NMNAT3: variants seen among roughly 807,000 people sequenced by gnomAD.
NMNAT3 encodes the protein nicotinamide nucleotide adenylyltransferase 3.
In NMNAT3, 21 loss-of-function variants were observed where a neutral mutation model predicts 24.8. That is an observed-to-expected ratio of 0.85 (90% CI 0.60 to 1.22). NMNAT3 has a LOEUF of 1.22. NMNAT3 is among the 50% of genes most tolerant of loss of function. NMNAT3 has a pLI of 0.00. For missense variants in NMNAT3, 387 were observed against 436.6 expected, an observed-to-expected ratio of 0.89 and a Z score of 1.01; for synonymous variants, 136 against 155.2, an observed-to-expected ratio of 0.88 and a Z score of 0.92.
At chr3:139,641,450 G>A (rs1464570304) in intron 1 of NMNAT3, among the ~76,000 whole-genome samples, 20 of 152,118 alleles carry the variant, frequency 1.3e-4, no homozygotes, top group Non-Finnish European at 2.9e-4. Flanking sequence ...GAACAGAGAG[G>A]CTGTCCAGAG....
At chr3:139,581,190 TA>T (rs1470472272) in intron 4 of NMNAT3, among the ~76,000 whole-genome samples, 10 of 152,174 alleles carry the variant, frequency 6.6e-5, no homozygotes, top group Non-Finnish European at 1.2e-4. Context: ...TAAAAGAGAC[TA>T]AAGATACAGA....
At chr3:139,649,307 G>C (rs1481625964) in intron 1 of NMNAT3, among the ~76,000 whole-genome samples, 5 of 143,742 alleles carry the variant, frequency 3.5e-5, no homozygotes, top group African/African-American at 1.3e-4. Flanking sequence ...TAATGTTGCA[G>C]GATGGCAAGC....
At chr3:139,588,484 C>T (rs953246589) in intron 3 of NMNAT3, among the ~76,000 whole-genome samples, 2 of 152,070 alleles carry the variant, frequency 1.3e-5, no homozygotes, top group Non-Finnish European at 1.5e-5. Flanking sequence ...AAATGCAAAA[C>T]ATTTTGGACA....
intron 2 of NMNAT3, among the ~76,000 whole-genome samples, chr3:139,628,207 A>G (rs905800874): frequency 6.6e-6 from 1 of 152,234 alleles, no homozygotes; most frequent in Non-Finnish European, 1.5e-5. Context: ...GCACTTTTAA[A>G]ACACTTTTTA....
rs1254159955 is a variant in NMNAT3 at position 139,591,831 on chromosome 3, T to C, written c.110-8623A>G. ...AAAACCCATCTGTACTTCACCATCA[T>C]CAAAGACCAAAAGTAGATAAAACCA... is the stretch of plus-strand genomic sequence containing the variant. On this transcript the variant is annotated intron_variant, in intron 3 of 6. Transcript: ENST00000643695. Among the ~76,000 whole-genome samples, 4 of 152,206 alleles carry C rather than the reference T, an allele frequency of 2.6e-5. No individual in the cohort carries two copies. The East Asian group carries it at 5.8e-4, about 22-fold the overall frequency.
chr3:139,638,745 G>A (rs1275316315), intron 1 of NMNAT3, among the ~76,000 whole-genome samples: 1 of 152,118 alleles, frequency 6.6e-6, no homozygotes, highest in African/African-American at 2.4e-5. Flanking sequence ...TCCATCCTCT[G>A]CGTAGCTGCC....
rs1936277486 is a variant in NMNAT3 at position 139,560,806 on chromosome 3, G to A, written c.*204C>T. On this transcript the variant is annotated 3_prime_UTR_variant, in exon 7 of 7. Transcript: ENST00000643695. The stretch of plus-strand genomic sequence containing the variant: ...CACCATTTTAACTTCTTTGATAAAT[G>A]TCTATCCTTGTGATTTAGACCTTTC... 2 of 571,982 alleles carry A rather than the reference G, an allele frequency of 3.5e-6. No individual in the cohort carries two copies. The highest frequency in any genetic ancestry group is 6.1e-6 in the Non-Finnish European group (2 of 325,546). The allele number at this position is 571,982 out of a possible 1,614,324, so 35.4% of individuals were successfully genotyped here.
intron 1 of NMNAT3, among the ~76,000 whole-genome samples, chr3:139,674,170 C>G (rs1261352299): frequency 6.6e-6 from 1 of 152,184 alleles, no homozygotes; most frequent in Non-Finnish European, 1.5e-5. Flanking sequence ...CACCCTCATC[C>G]CAGGCACTTC....
chr3:139,610,385 T>G (rs76251463), intron 3 of NMNAT3, among the ~76,000 whole-genome samples: 2 of 152,192 alleles, frequency 1.3e-5, no homozygotes, highest in East Asian at 3.8e-4. Flanking sequence ...GGAAAGCATT[T>G]TAAAAGAATT....
intron 3 of NMNAT3, among the ~76,000 whole-genome samples, chr3:139,595,488 A>G (rs937044428): frequency 1.3e-5 from 2 of 152,258 alleles, no homozygotes; most frequent in Non-Finnish European, 2.9e-5. Flanking sequence ...ACCAAAAAAG[A>G]GCCCGCATTG....
intron 1 of NMNAT3, among the ~76,000 whole-genome samples, chr3:139,663,515 T>C (rs1249526986): frequency 1.3e-5 from 2 of 152,196 alleles, no homozygotes; most frequent in East Asian, 1.9e-4. Flanking sequence ...AGCTATTAAG[T>C]AGTACTAGAC....
At chr3:139,617,557 T>A (rs1252630493) in intron 3 of NMNAT3, among the ~76,000 whole-genome samples, 1 of 152,178 alleles carries the variant, frequency 6.6e-6, no homozygotes, top group Non-Finnish European at 1.5e-5. Flanking sequence ...GAGCACTACG[T>A]GGCAAACAGA....
intron 3 of NMNAT3, among the ~76,000 whole-genome samples, chr3:139,623,863 C>G (rs2055917448): frequency 6.6e-6 from 1 of 152,158 alleles, no homozygotes; most frequent in African/African-American, 2.4e-5. Flanking sequence ...AGGTGTGAAC[C>G]ACCATGCCCG....
intron 5 of NMNAT3, chr3:139,575,738 C>T (rs1939200015): frequency 7.3e-6 from 8 of 1,094,564 alleles, no homozygotes; most frequent in Non-Finnish European, 9.0e-6. Context: ...TTGCTGCCTG[C>T]CTGAGTGGTA....
chr3:139,640,048 A>T (rs2056645713), intron 1 of NMNAT3, among the ~76,000 whole-genome samples: 1 of 152,114 alleles, frequency 6.6e-6, no homozygotes, highest in Admixed American at 6.5e-5. Context: ...AATCAGAAGA[A>T]CCCCTTCCCA....
chr3:139,662,245 C>G (rs943733385), intron 1 of NMNAT3, among the ~76,000 whole-genome samples: 1 of 152,130 alleles, frequency 6.6e-6, no homozygotes, highest in Non-Finnish European at 1.5e-5. Flanking sequence ...CCAGCTTTGT[C>G]TAAGAGGCTG....
Position 139,561,040 on chromosome 3 carries a change from G to C in NMNAT3, c.1011C>G (p.Ser337Arg). The C allele has an allele frequency of 6.2e-7, 1 of 1,613,680 alleles. No individual in the cohort carries two copies. The highest frequency in any genetic ancestry group is 8.5e-7 in the Non-Finnish European group (1 of 1,179,956). ...TTGTCTTGCCCTCAGTGCTCTGGGT[G>C]CTTTTGCCTTTCCAGGTACTGCCCT... The change falls in exon 7 of 7, where the codon AGC (serine) becomes AGG (arginine). Residue 337 changes from serine (S) to arginine (R), a missense_variant. By Grantham distance (110) the Ser-to-Arg change is moderately radical. Coordinates refer to ENST00000643695, the MANE Select transcript of NMNAT3 (RefSeq NM_001320510.2).
intron 5 of NMNAT3, chr3:139,576,080 G>A (rs1939262599): frequency 7.8e-7 from 1 of 1,283,644 alleles, no homozygotes; most frequent in African/African-American, 1.5e-5. Flanking sequence ...AAGCTCTACA[G>A]TGAATTTACA....
intron 3 of NMNAT3, among the ~76,000 whole-genome samples, chr3:139,617,331 A>G (rs571877885): frequency 2.6e-4 from 40 of 152,322 alleles, no homozygotes; most frequent in African/African-American, 9.1e-4. Context: ...GCAATAAAAG[A>G]TAAGGTGAAT....
Sources: gnomAD v4.1 joint callset for allele counts (sites outside exome capture counted in the v4.1 genomes callset) on GRCh38, gnomAD v4.1.1 for gene constraint, MANE v1.5 for transcripts, NCBI Gene and HGNC (gene_info 2026-07-23, HGNC 2026-07-21) for gene names.